Variants in NEB observed in about 807,000 individuals in gnomAD.
NEB encodes nemaline myopathy type 2.
NEB carries 512 observed loss-of-function variants against 952.2 expected under a neutral mutation model. The ratio of observed to expected loss-of-function variants is 0.54; its 90% CI spans 0.50 to 0.58. NEB has a LOEUF of 0.58. NEB is among the 20% of genes least tolerant of loss of function. The pLI, the probability that NEB is intolerant of heterozygous loss-of-function variation, is 0.00. For synonymous variants in NEB, 2,900 were observed against 3,149.8 expected, an observed-to-expected ratio of 0.92 and a Z score of 2.66; for missense variants, 8,428 against 9,231.1, an observed-to-expected ratio of 0.91 and a Z score of 3.56.
Position 151,575,569 on chromosome 2 carries a change from CACAAGGAGTCTTCCCCTGTTGCGGG to C in NEB, c.17013+101_17013+125del, listed in dbSNP as rs1012226279. The C allele has an allele frequency of 5.7e-6, 4 of 700,548 alleles. No individual in the cohort carries two copies. The Admixed American group carries it at 7.6e-5, about 13-fold the overall frequency. The allele number at this position is 700,548 out of a possible 1,614,324, so 43.4% of individuals were successfully genotyped here. On this transcript the variant is annotated intron_variant, in intron 107 of 181. Transcript: ENST00000397345. ...GCCTCACTCCTAGTCAAGGGGTGAC[CACAAGGAGTCTTCCCCTGTTGCGGG>C]AAGTCAGGGACCGAGTCCATCTTCC...
intron 140 of NEB, 73 bp from the exon 141 acceptor site, chr2:151,537,309 T>C: frequency 1.2e-6 from 1 of 838,688 alleles, no homozygotes; most frequent in Non-Finnish European, 2.0e-6. Flanking sequence ...TCTATACAAG[T>C]GGAACAAACA....
chr2:151,495,222 C>A (rs565124435), intron 173 of NEB: 2 of 152,140 alleles, frequency 1.3e-5, no homozygotes, highest in Non-Finnish European at 2.9e-5. Flanking sequence ...TCGGTATCTC[C>A]CCTCAGTGTC....
chr2:151,542,734 C>A (rs1437876375), intron 135 of NEB, among the ~76,000 whole-genome samples: 2 of 152,178 alleles, frequency 1.3e-5, no homozygotes, highest in East Asian at 3.8e-4. Flanking sequence ...TATTGGACCA[C>A]CCCACGTGAG....
intron 11 of NEB, 25 bp from the exon 12 acceptor site, chr2:151,709,788 G>A: frequency 1.3e-6 from 2 of 1,507,280 alleles, no homozygotes; most frequent in Non-Finnish European, 1.8e-6. Flanking sequence ...ACAAGCTGAA[G>A]AACTGCTGTG....
At chr2:151,498,408 C>G in intron 169 of NEB, 56 bp from the exon 170 acceptor site, 1 of 1,323,768 alleles carries the variant, frequency 7.6e-7, no homozygotes, top group Non-Finnish European at 1.1e-6. Context: ...TCATTTTCCC[C>G]CTGCTTTGGA....
chr2:151,725,617 A>T, intron 5 of NEB, 57 bp from the exon 6 acceptor site: 2 of 1,322,932 alleles, frequency 1.5e-6, no homozygotes, highest in East Asian at 4.6e-5. Context: ...TTCAGGCAAC[A>T]TACTCACCCC....
chr2:151,619,366 T>A (rs955571205), intron 73 of NEB, 85 bp downstream of exon 73: 1 of 1,305,934 alleles, frequency 7.7e-7, no homozygotes, highest in Non-Finnish European at 1.1e-6. Context: ...TACAAACAAA[T>A]TGCAGTTCAT....
rs1439207927 is a variant in NEB at position 151,485,654 on chromosome 2, A to AAAAC, written c.*102_*105dup. The stretch of plus-strand genomic sequence containing the variant: ...CTACCATAAATCACATTGACACAGA[A>AAAAC]AAACCATAGGCAGCTTGAGAACTTA... On this transcript the variant is annotated 3_prime_UTR_variant, in exon 182 of 182. Transcript: ENST00000397345. The AAAAC allele has an allele frequency of 8.8e-7, 1 of 1,140,810 alleles. No homozygotes were observed. The highest frequency in any genetic ancestry group is 1.5e-5 in the African/African-American group (1 of 64,868). 70.7% of individuals were successfully genotyped at this position (1,140,810 alleles called of 1,614,324 possible).
chr2:151,540,056 A>G (rs1403311256), intron 138 of NEB, among the ~76,000 whole-genome samples: 1 of 152,186 alleles, frequency 6.6e-6, no homozygotes, highest in Non-Finnish European at 1.5e-5. Flanking sequence ...TTTTATGGAT[A>G]AGTAAATTAA....
At position 151,499,392 on chromosome 2, in the gene NEB, T is replaced by C; in HGVS notation, c.24022-2A>G. On this transcript the variant is annotated splice_acceptor_variant, in intron 168 of 181. Coordinates refer to ENST00000397345, the MANE Select transcript of NEB (RefSeq NM_001164508.2). LOFTEE classifies it high-confidence loss of function. ...TCCAACGTTTTCTTTATACAACACC[T>C]GTATGACACAAGAAAGCATCCAGAA... The C allele has an allele frequency of 6.6e-7, 1 of 1,509,870 alleles. No homozygotes were observed. Among genetic ancestry groups the C allele is most frequent in the Non-Finnish European group, 9.0e-7 (1 of 1,110,942 alleles). 93.5% of individuals were successfully genotyped at this position (1,509,870 alleles called of 1,614,324 possible).
intron 160 of NEB, 108 bp downstream of exon 160, chr2:151,513,472 T>C: frequency 2.6e-6 from 2 of 766,282 alleles, no homozygotes; most frequent in Non-Finnish European, 4.2e-6. Flanking sequence ...AAGAATGCCA[T>C]TGTATGCATG....
intron 67 of NEB, among the ~76,000 whole-genome samples, chr2:151,630,232 A>T (rs983538656): frequency 3.3e-5 from 5 of 152,292 alleles, no homozygotes; most frequent in East Asian, 1.9e-4. Context: ...TTTTACTTTT[A>T]AAAAAGTCAG....
Position 151,531,075 on chromosome 2 carries a change from CTTG to C in NEB, c.21546_21548del (p.Asn7182del), listed in dbSNP as rs758160111. 3.1e-6 allele frequency: 5 copies of C among 1,612,596 alleles called. No homozygotes were observed. Among genetic ancestry groups the C allele is most frequent in the Middle Eastern group, 1.7e-4 (1 of 6,060 alleles). On this transcript the variant is annotated inframe_deletion, in exon 145 of 182. Transcript: ENST00000397345. ...TTGTGGTGTAGCCTCTGGGTTTGGC[CTTG>C]TTGTATTCCAATTTATAAAGGATCT...
chr2:151,489,201 C>A (rs1178482951), intron 181 of NEB, among the ~76,000 whole-genome samples: 1 of 152,106 alleles, frequency 6.6e-6, no homozygotes, highest in Admixed American at 6.5e-5. Context: ...AGACAGTTGT[C>A]TTCATACAAA....
intron 68 of NEB, among the ~76,000 whole-genome samples, 181 bp downstream of exon 68, chr2:151,629,358 T>C (rs2098607342): frequency 6.6e-6 from 1 of 152,208 alleles, no homozygotes; most frequent in African/African-American, 2.4e-5. Context: ...GGGACATAGA[T>C]ACTGAAGTCT....
chr2:151,713,845 T>C (rs2099752101), intron 10 of NEB, among the ~76,000 whole-genome samples: 1 of 152,190 alleles, frequency 6.6e-6, no homozygotes, highest in Non-Finnish European at 1.5e-5. Flanking sequence ...GAATTGATTC[T>C]GACAGGTGTA....
At chr2:151,554,866 A>G in intron 125 of NEB, 65 bp downstream of exon 125, 1 of 1,158,918 alleles carries the variant, frequency 8.6e-7, no homozygotes, top group Non-Finnish European at 1.3e-6. Flanking sequence ...CAATGAAATC[A>G]CATAACGAGC....
chr2:151,725,892 ATTGAG>A (rs2099789174), intron 5 of NEB, among the ~76,000 whole-genome samples: 1 of 152,212 alleles, frequency 6.6e-6, no homozygotes, highest in South Asian at 2.1e-4. Context: ...AAATATAGAA[ATTGAG>A]TTAATTCTGA....
chr2:151,493,475 C>T, intron 175 of NEB, 30 bp from the exon 176 acceptor site: 2 of 1,443,030 alleles, frequency 1.4e-6, no homozygotes, highest in Middle Eastern at 1.8e-4. Flanking sequence ...ATCTAGGCAT[C>T]AGACAGCAGA....
Sources: allele counts gnomAD v4.1 joint callset (sites outside exome capture counted in the v4.1 genomes callset), GRCh38; gene constraint gnomAD v4.1.1; transcripts MANE v1.5; gene names NCBI Gene and HGNC (gene_info 2026-07-23, HGNC 2026-07-21).